SLC9B1: variants seen among roughly 807,000 people sequenced by gnomAD.
SLC9B1 encodes solute carrier family 9 member B1.
Under a neutral mutation model 51.7 loss-of-function variants are expected in SLC9B1, and 32 were observed. The observed-to-expected ratio is 0.62, with a 90% CI of 0.47 to 0.83. SLC9B1 has a LOEUF of 0.83. Among genes scored for constraint, SLC9B1 ranks in the 40% least tolerant of loss-of-function variants. SLC9B1 has a pLI of 0.00. For synonymous variants in SLC9B1, 145 were observed against 212.7 expected (o/e 0.68, Z 2.77); for missense variants, 406 against 613.2 (o/e 0.66, Z 3.57).
chr4:102,990,740 A>G (rs1739902574), intron 2 of SLC9B1, among the ~76,000 whole-genome samples: 1 of 152,008 alleles, frequency 6.6e-6, no homozygotes, highest in Non-Finnish European at 1.5e-5. Context: ...GGAACATCTT[A>G]TCATCACAGG....
rs1172821560 is a variant in SLC9B1 at position 102,955,889 on chromosome 4, GAAAGAAAGAA to G, written c.212-6472_212-6463del. ...AGAAAGAAAGAAAGAAAGAAAGAAA[GAAAGAAAGAA>G]AGAGAGAGAAAGACCCACATGCAAG... is the stretch of plus-strand genomic sequence containing the variant. On this transcript the variant is annotated intron_variant, in intron 3 of 11. Coordinates refer to ENST00000296422, the MANE Select transcript of SLC9B1 (RefSeq NM_139173.4). Among the ~76,000 whole-genome samples, 102 of 138,900 alleles carry G rather than the reference GAAAGAAAGAA, an allele frequency of 7.3e-4. 1 individual carries two copies. Among genetic ancestry groups the G allele is most frequent in the East Asian group, 3.8e-3 (19 of 4,948 alleles). 91.1% of individuals were successfully genotyped at this position (138,900 alleles called of 152,430 possible).
At position 103,019,683 on chromosome 4, in the gene SLC9B1, G is replaced by A; in HGVS notation, c.-86C>T. The A allele has an allele frequency of 1.0e-6, 1 of 985,534 alleles. No individual in the cohort carries two copies. Among genetic ancestry groups the A allele is most frequent in the Non-Finnish European group, 1.2e-6 (1 of 829,980 alleles). 61.0% of individuals were successfully genotyped at this position (985,534 alleles called of 1,614,324 possible). On this transcript the variant is annotated 5_prime_UTR_variant, in exon 1 of 12. Coordinates refer to ENST00000296422, the MANE Select transcript of SLC9B1 (RefSeq NM_139173.4). Reference sequence around the variant, plus strand: ...TGCGTAAGCCACGCGCCACCCAGGTGGGCAGGGTGGTGACGCGAAAGCCCG... The same window carrying A: ...TGCGTAAGCCACGCGCCACCCAGGTAGGCAGGGTGGTGACGCGAAAGCCCG...
Position 102,994,281 on chromosome 4 carries a change from T to C in SLC9B1, c.-1-2569A>G, listed in dbSNP as rs557784718. Among the ~76,000 whole-genome samples the C allele has an allele frequency of 1.8e-3, 276 of 152,322 alleles. 10 individuals carry two copies. The South Asian group carries it at 0.053, about 29-fold the overall frequency. ...TAAATTATCACTCTCAAGTTCAAAG[T>C]TCTACAGATCTCTGGGGCAGAGGCA... On this transcript the variant is annotated intron_variant, in intron 1 of 11. Coordinates refer to ENST00000296422, the MANE Select transcript of SLC9B1 (RefSeq NM_139173.4).
rs182562042 is a variant in SLC9B1 at position 102,961,886 on chromosome 4, G to C, written c.212-12459C>G. ...AGAAGACATGGTGTATGGGGTGAGT[G>C]GGTTGCCAAGTGGATGGTGGCAGGG... is the stretch of plus-strand genomic sequence containing the variant. On this transcript the variant is annotated intron_variant, in intron 3 of 11. Transcript: ENST00000296422. 3.0e-4 allele frequency: 66 copies of C among 219,038 alleles called. No individual in the cohort carries two copies. The East Asian group carries it at 7.5e-3, about 25-fold the overall frequency. 13.6% of individuals were successfully genotyped at this position (219,038 alleles called of 1,614,324 possible).
intron 10 of SLC9B1, among the ~76,000 whole-genome samples, chr4:102,906,084 C>T (rs1258223675): frequency 5.9e-5 from 9 of 152,104 alleles, no homozygotes; most frequent in Admixed American, 5.9e-4. Flanking sequence ...TACAGACGCG[C>T]ACTACCACAC....
intron 3 of SLC9B1, among the ~76,000 whole-genome samples, chr4:102,975,445 T>C (rs2110503786): frequency 6.6e-6 from 1 of 151,726 alleles, no homozygotes; most frequent in African/African-American, 2.4e-5. Context: ...ATGAACACAC[T>C]GCTACTGACA....
At position 102,967,591 on chromosome 4, in the gene SLC9B1, G is replaced by A. The variant is rs182210828; in HGVS notation, c.212-18164C>T. On this transcript the variant is annotated intron_variant, in intron 3 of 11. Coordinates refer to ENST00000296422, the MANE Select transcript of SLC9B1 (RefSeq NM_139173.4). The stretch of plus-strand genomic sequence containing the variant: ...GCCAAGCATGAAGCGTGACCTCACC[G>A]TATAGCAACTCATTCTCATGGTAAC... Among the ~76,000 whole-genome samples the A allele has an allele frequency of 2.6e-3, 402 of 152,150 alleles. 3 individuals are homozygous for A. Among genetic ancestry groups the A allele is most frequent in the African/African-American group, 9.4e-3 (390 of 41,536 alleles).
intron 3 of SLC9B1, chr4:102,962,098 T>C: frequency 2.6e-6 from 1 of 384,214 alleles, no homozygotes; most frequent in South Asian, 2.0e-5. Flanking sequence ...CCCACTGCTC[T>C]GGGTCTCAGC....
intron 7 of SLC9B1, among the ~76,000 whole-genome samples, chr4:102,912,553 A>G (rs1735388282): frequency 6.6e-6 from 1 of 152,226 alleles, no homozygotes; most frequent in Non-Finnish European, 1.5e-5. Context: ...GATTCAATAT[A>G]GTAAGTAAGT....
intron 11 of SLC9B1, among the ~76,000 whole-genome samples, chr4:102,885,972 A>G (rs976474511): frequency 2.0e-5 from 3 of 152,218 alleles, no homozygotes; most frequent in African/African-American, 4.8e-5. Context: ...GATAAGTACT[A>G]TAAGTAGTTG....
chr4:102,905,783 T>C (rs780178633), intron 10 of SLC9B1, 133 bp from the exon 11 acceptor site: 14 of 772,892 alleles, frequency 1.8e-5, no homozygotes, highest in African/African-American at 1.8e-4. Flanking sequence ...ATTTTTTACA[T>C]AAAAACAATG....
intron 7 of SLC9B1, among the ~76,000 whole-genome samples, chr4:102,922,878 G>T (rs1735953242): frequency 1.3e-5 from 2 of 152,056 alleles, no homozygotes; most frequent in African/African-American, 4.8e-5. Context: ...TCTCTGAATA[G>T]ACCAATAACA....
chr4:102,956,439 A>G (rs1737819850), intron 3 of SLC9B1, among the ~76,000 whole-genome samples: 1 of 152,220 alleles, frequency 6.6e-6, no homozygotes, highest in South Asian at 2.1e-4. Context: ...AGAGAGTATG[A>G]CAAAAAGTAA....
At chr4:102,978,235 T>A (rs1739177871) in intron 3 of SLC9B1, among the ~76,000 whole-genome samples, 1 of 152,192 alleles carries the variant, frequency 6.6e-6, no homozygotes, top group Admixed American at 6.5e-5. Flanking sequence ...TGGTTCCAAG[T>A]CTTTGCTATT....
intron 2 of SLC9B1, among the ~76,000 whole-genome samples, 183 bp downstream of exon 2, chr4:102,991,460 C>A (rs1739934855): frequency 6.6e-6 from 1 of 151,998 alleles, no homozygotes; most frequent in African/African-American, 2.4e-5. Flanking sequence ...TCACACCTTT[C>A]CATTTGTTTC....
At chr4:102,925,783 G>T (rs1001114786) in intron 7 of SLC9B1, among the ~76,000 whole-genome samples, 2 of 151,628 alleles carry the variant, frequency 1.3e-5, no homozygotes, top group Non-Finnish European at 2.9e-5. Context: ...GCCTGGCAGA[G>T]ACACAACAAA....
chr4:102,945,374 T>G (rs1737219165), intron 5 of SLC9B1, 54 bp from the exon 6 acceptor site: 1 of 1,473,220 alleles, frequency 6.8e-7, no homozygotes, highest in Admixed American at 2.3e-5. Context: ...AACAAGAAAA[T>G]TATTTTAACA....
At chr4:102,915,040 GA>G (rs1357173460) in intron 7 of SLC9B1, among the ~76,000 whole-genome samples, 1 of 151,862 alleles carries the variant, frequency 6.6e-6, no homozygotes, top group Non-Finnish European at 1.5e-5. Flanking sequence ...GTTATCAGTG[GA>G]ATTCTCAGCA....
At position 102,947,643 on chromosome 4, in the gene SLC9B1, G is replaced by T. The variant is rs138956579; in HGVS notation, c.383-854C>A. On this transcript the variant is annotated intron_variant, in intron 4 of 11. Coordinates refer to ENST00000296422, the MANE Select transcript of SLC9B1 (RefSeq NM_139173.4). ...GCTGGGATTATGGGCATGAGCCACC[G>T]TGCCTGGCCCACTGTACTGAATATT... is the stretch of plus-strand genomic sequence containing the variant. Among the ~76,000 whole-genome samples, 4 of 152,180 alleles carry T rather than the reference G, an allele frequency of 2.6e-5. No individual in the cohort carries two copies. The East Asian group carries it at 5.8e-4, about 22-fold the overall frequency.
Sources: allele counts gnomAD v4.1 joint callset (sites outside exome capture counted in the v4.1 genomes callset), GRCh38; gene constraint gnomAD v4.1.1; transcripts MANE v1.5; gene names NCBI Gene and HGNC (gene_info 2026-07-23, HGNC 2026-07-21).